DNAJC11: variants seen among roughly 807,000 people sequenced by gnomAD.
DNAJC11 encodes DnaJ heat shock protein family (Hsp40) member C11.
DNAJC11 carries 15 observed loss-of-function variants against 78.6 expected under a neutral mutation model. That is an observed-to-expected ratio of 0.19 (90% confidence interval 0.13 to 0.29). The LOEUF (loss-of-function observed/expected upper bound fraction) is 0.29. Among genes scored for constraint, DNAJC11 ranks in the 10% least tolerant of loss-of-function variants. The pLI is 1.00. For missense variants in DNAJC11, 547 were observed against 709.6 expected (o/e 0.77, Z 2.60); for synonymous variants, 292 against 272.1 (o/e 1.07, Z -0.72).
intron 1 of DNAJC11, among the ~76,000 whole-genome samples, chr1:6,695,472 T>C (rs977426984): frequency 4.6e-5 from 7 of 151,926 alleles, no homozygotes; most frequent in Non-Finnish European, 8.8e-5. Flanking sequence ...TAAGCCATTA[T>C]TACCTGTTAC....
rs1041264377 is a variant in DNAJC11 at position 6,635,562 on chromosome 1, A to G, written c.*113T>C. ...ATAATTGATAATGGTACCACCTTCT[A>G]TAATAATAATATAAAATAAAAACAT... On this transcript the variant is annotated 3_prime_UTR_variant, in exon 16 of 16. Coordinates refer to ENST00000377577, the MANE Select transcript of DNAJC11 (RefSeq NM_018198.4). The G allele has an allele frequency of 6.1e-6, 7 of 1,142,088 alleles. No individual in the cohort carries two copies. Among genetic ancestry groups the G allele is most frequent in the Admixed American group, 2.4e-5 (1 of 41,968 alleles). 70.7% of individuals were successfully genotyped at this position (1,142,088 alleles called of 1,614,324 possible). A position where few individuals can be genotyped will look rare whatever the true frequency, so the allele number is the denominator to read the frequency against.
At position 6,676,854 on chromosome 1, in the gene DNAJC11, A is replaced by G. The variant is rs1022911250; in HGVS notation, c.276+1540T>C. The stretch of plus-strand genomic sequence containing the variant: ...CTTTGATGCCAGAACTGGAAGAGAC[A>G]GGCACGCATGCTTGAGACTAAACAT... On this transcript the variant is annotated intron_variant, in intron 3 of 15. Coordinates refer to ENST00000377577, the MANE Select transcript of DNAJC11 (RefSeq NM_018198.4). 4.6e-5 allele frequency among the ~76,000 whole-genome samples: 7 copies of G among 152,246 alleles called. No individual in the cohort carries two copies. In the South Asian group the frequency reaches 1.2e-3, roughly 27 times the overall value.
At chr1:6,638,600 G>A (rs1201680610) in intron 11 of DNAJC11, among the ~76,000 whole-genome samples, 1 of 152,184 alleles carries the variant, frequency 6.6e-6, no homozygotes, top group Non-Finnish European at 1.5e-5. Flanking sequence ...CCAAGCTGAC[G>A]GGACACCGAC....
intron 3 of DNAJC11, among the ~76,000 whole-genome samples, chr1:6,669,926 T>A (rs1159244389): frequency 6.6e-6 from 1 of 152,132 alleles, no homozygotes; most frequent in Non-Finnish European, 1.5e-5. Context: ...GAGAAAAAGT[T>A]TCCTTGGAAA....
At chr1:6,675,897 T>C (rs938417951) in intron 3 of DNAJC11, among the ~76,000 whole-genome samples, 7 of 152,186 alleles carry the variant, frequency 4.6e-5, no homozygotes, top group Admixed American at 3.9e-4. Flanking sequence ...AGGGAATATG[T>C]AATGGGGTCC....
At chr1:6,681,143 T>C in intron 1 of DNAJC11, 106 bp from the exon 2 acceptor site, 1 of 1,221,466 alleles carries the variant, frequency 8.2e-7, no homozygotes, top group Non-Finnish European at 1.1e-6. Context: ...CCCAATGTGT[T>C]TGCTCTCGAC....
rs1238549272 is a variant in DNAJC11 at position 6,637,140 on chromosome 1, G to T, written c.1524+58C>A. 8 of 1,603,016 alleles carry T rather than the reference G, an allele frequency of 5.0e-6. No homozygotes were observed. In the African/African-American group the frequency reaches 1.1e-4, roughly 21 times the overall value. On this transcript the variant is annotated intron_variant, in intron 14 of 15. Transcript: ENST00000377577. Reference sequence around the variant, plus strand: ...GCTAGGATTATAGGCCTGAGTCACCGCGCCCAGCCTGTTCAAATCTGTGAG... The same window carrying T: ...GCTAGGATTATAGGCCTGAGTCACCTCGCCCAGCCTGTTCAAATCTGTGAG...
intron 6 of DNAJC11, 128 bp downstream of exon 6, chr1:6,652,701 A>T: frequency 1.6e-6 from 2 of 1,273,800 alleles, no homozygotes; most frequent in Non-Finnish European, 2.2e-6. Context: ...TGGAAGCTTG[A>T]CACTTGGTAC....
At chr1:6,637,923 A>C in intron 12 of DNAJC11, 1 of 387,482 alleles carries the variant, frequency 2.6e-6, no homozygotes. Flanking sequence ...TCTGCTGGGC[A>C]TAGCTGTGCC....
intron 7 of DNAJC11, chr1:6,651,285 G>A (rs1642051374): frequency 3.0e-6 from 2 of 660,332 alleles, no homozygotes; most frequent in South Asian, 1.6e-5. Context: ...GGTAAGGGAG[G>A]TGCGAGACCT....
intron 4 of DNAJC11, among the ~76,000 whole-genome samples, chr1:6,663,180 C>A (rs1290952181): frequency 6.6e-6 from 1 of 152,158 alleles, no homozygotes; most frequent in Non-Finnish European, 1.5e-5. Flanking sequence ...ATATCAACCT[C>A]TGTAATAGCA....
intron 7 of DNAJC11, among the ~76,000 whole-genome samples, chr1:6,648,996 A>G (rs1025804550): frequency 6.6e-6 from 1 of 151,282 alleles, no homozygotes; most frequent in Admixed American, 6.6e-5. Context: ...TCCATCTTTT[A>G]AAAAAAATTT....
Position 6,634,330 on chromosome 1 carries a change from G to A in DNAJC11, c.*1345C>T, listed in dbSNP as rs1641711449. 1 of 1,050,602 alleles carries A rather than the reference G, an allele frequency of 9.5e-7. No individual in the cohort carries two copies. Among genetic ancestry groups the A allele is most frequent in the Non-Finnish European group, 1.3e-6 (1 of 756,640 alleles). The allele number at this position is 1,050,602 out of a possible 1,614,324, so 65.1% of individuals were successfully genotyped here. ...CGCTCACCGCGGCTCGGGCCGTGGG[G>A]CCGTCAGAGAAACCTTTTTAAAAAA... On this transcript the variant is annotated 3_prime_UTR_variant, in exon 16 of 16. Transcript: ENST00000377577.
chr1:6,677,464 T>TA (rs1242633750), intron 3 of DNAJC11, among the ~76,000 whole-genome samples: 1 of 151,874 alleles, frequency 6.6e-6, no homozygotes, highest in East Asian at 1.9e-4. Flanking sequence ...GACTAATTTT[T>TA]AAAAAAATGT....
At chr1:6,674,023 G>A (rs1045789417) in intron 3 of DNAJC11, among the ~76,000 whole-genome samples, 3 of 152,200 alleles carry the variant, frequency 2.0e-5, no homozygotes, top group Non-Finnish European at 4.4e-5. Flanking sequence ...GATGAGTTAC[G>A]TGGTTTCCAT....
At chr1:6,636,848 C>CTGTT (rs144187043) in intron 14 of DNAJC11, among the ~76,000 whole-genome samples, 3 of 152,126 alleles carry the variant, frequency 2.0e-5, no homozygotes, top group Non-Finnish European at 4.4e-5. Flanking sequence ...CTTCACACCA[C>CTGTT]TGTTTGTTTG....
At chr1:6,647,981 C>T (rs1641991466) in intron 7 of DNAJC11, among the ~76,000 whole-genome samples, 1 of 152,094 alleles carries the variant, frequency 6.6e-6, no homozygotes, top group African/African-American at 2.4e-5. Context: ...ATGATCAGTC[C>T]ACCCCAAACT....
At chr1:6,689,096 G>A (rs1642702277) in intron 1 of DNAJC11, among the ~76,000 whole-genome samples, 1 of 152,290 alleles carries the variant, frequency 6.6e-6, no homozygotes, top group Non-Finnish European at 1.5e-5. Flanking sequence ...CAAGAAATAA[G>A]AGGAAGTCAT....
Position 6,658,240 on chromosome 1 carries a change from G to A in DNAJC11, c.379-4201C>T, listed in dbSNP as rs534809153. Among the ~76,000 whole-genome samples the A allele has an allele frequency of 8.5e-5, 13 of 152,310 alleles. No individual in the cohort carries two copies. The South Asian group carries it at 1.7e-3, about 19-fold the overall frequency. ...AGCGTCTAATGAAACTGGGAGGAAC[G>A]TTTCAGCTCTGACAAGAGAGTCTGG... On this transcript the variant is annotated intron_variant, in intron 4 of 15. Transcript: ENST00000377577.
Sources: allele counts gnomAD v4.1 joint callset (sites outside exome capture counted in the v4.1 genomes callset), GRCh38; gene constraint gnomAD v4.1.1; transcripts MANE v1.5; gene names NCBI Gene and HGNC (gene_info 2026-07-23, HGNC 2026-07-21).